The following MGAT4A variants were observed in gnomAD, a reference collection of about 807,000 sequenced individuals.
MGAT4A encodes alpha-1,3-mannosyl-glycoprotein 4-beta-N-acetylglucosaminyltransferase A, also known as N-acetylglucosaminyltransferase IVa.
MGAT4A carries 33 observed loss-of-function variants against 74.1 expected under a neutral mutation model. That is an observed-to-expected ratio of 0.45 (90% CI 0.34 to 0.60). The LOEUF is 0.60. Ranked by LOEUF, MGAT4A falls within the 20% of genes least tolerant of loss-of-function variation. The pLI, the probability that MGAT4A is intolerant of heterozygous loss-of-function variation, is 0.02. For missense variants in MGAT4A, 479 were observed against 628.3 expected, an observed-to-expected ratio of 0.76 and a Z score of 2.54; for synonymous variants, 198 against 210.4, an observed-to-expected ratio of 0.94 and a Z score of 0.51.
chr2:98,687,885 T>C (rs1338168810), intron 2 of MGAT4A, among the ~76,000 whole-genome samples: 1 of 152,080 alleles, frequency 6.6e-6, no homozygotes, highest in African/African-American at 2.4e-5. Flanking sequence ...TGTGGTCTTA[T>C]GAAAGGGGCC....
chr2:98,699,134 C>T (rs1260396984), intron 2 of MGAT4A, among the ~76,000 whole-genome samples: 3 of 152,150 alleles, frequency 2.0e-5, no homozygotes, highest in Non-Finnish European at 4.4e-5. Flanking sequence ...GGACACACTT[C>T]CTTCCCACAG....
At chr2:98,686,262 TTAAAA>T (rs1387451534) in intron 2 of MGAT4A, among the ~76,000 whole-genome samples, 4 of 152,164 alleles carry the variant, frequency 2.6e-5, no homozygotes, top group Admixed American at 6.5e-5. Context: ...TTTATTTAAA[TTAAAA>T]TAATGAAAAT....
At chr2:98,641,667 C>T (rs1701412256) in intron 10 of MGAT4A, among the ~76,000 whole-genome samples, 2 of 149,674 alleles carry the variant, frequency 1.3e-5, no homozygotes, top group African/African-American at 4.9e-5. Flanking sequence ...CGGAGCGAGA[C>T]TCCGTCTCAC....
At chr2:98,675,637 C>A (rs1575263307) in intron 3 of MGAT4A, among the ~76,000 whole-genome samples, 1 of 151,750 alleles carries the variant, frequency 6.6e-6, no homozygotes, top group African/African-American at 2.4e-5. Flanking sequence ...GCCTTGACCT[C>A]CCAGGCTCAA....
At chr2:98,643,523 C>T (rs1201632149) in intron 10 of MGAT4A, among the ~76,000 whole-genome samples, 1 of 152,098 alleles carries the variant, frequency 6.6e-6, no homozygotes, top group East Asian at 1.9e-4. Context: ...CTATTTTATT[C>T]CTCATTTACA....
At chr2:98,642,873 A>G (rs1284763853) in intron 10 of MGAT4A, among the ~76,000 whole-genome samples, 4 of 152,218 alleles carry the variant, frequency 2.6e-5, no homozygotes, top group African/African-American at 9.6e-5. Context: ...TTTTAAACAG[A>G]ATGCAATGAT....
intron 5 of MGAT4A, among the ~76,000 whole-genome samples, chr2:98,660,416 G>GCA (rs1295134416): frequency 1.6e-4 from 14 of 84,946 alleles, no homozygotes; most frequent in East Asian, 1.4e-3. Flanking sequence ...ACACACGCAC[G>GCA]CGCACACACA....
chr2:98,676,666 G>A (rs946582580), intron 3 of MGAT4A, among the ~76,000 whole-genome samples: 21 of 152,142 alleles, frequency 1.4e-4, no homozygotes, highest in African/African-American at 4.8e-4. Flanking sequence ...AGAAAAAAAT[G>A]TTTAATATAT....
chr2:98,657,859 T>C (rs751648125), intron 6 of MGAT4A, among the ~76,000 whole-genome samples: 28 of 152,336 alleles, frequency 1.8e-4, no homozygotes, highest in Middle Eastern at 6.8e-3. Context: ...ATTACTACGT[T>C]AAATATCTAC....
chr2:98,720,309 T>C (rs1206952271), intron 2 of MGAT4A, among the ~76,000 whole-genome samples: 1 of 152,228 alleles, frequency 6.6e-6, no homozygotes. Context: ...CTCACCAATG[T>C]GGGTGGGTAT....
chr2:98,639,563 T>C (rs1261110257), intron 12 of MGAT4A, among the ~76,000 whole-genome samples: 1 of 152,158 alleles, frequency 6.6e-6, no homozygotes, highest in Admixed American at 6.5e-5. Flanking sequence ...TAAAAAATTA[T>C]ACTAGATATA....
intron 5 of MGAT4A, 122 bp from the exon 6 acceptor site, chr2:98,658,386 G>C (rs114008231): frequency 0.029 from 17,102 of 591,888 alleles, 310 homozygotes; most frequent in Non-Finnish European, 0.039. Flanking sequence ...TAAATTTTTA[G>C]ACAATTTATT....
In MGAT4A at chr2:98,675,029, A is replaced by AC. The variant is rs751507803; in HGVS notation, c.403+5dup. The AC allele has an allele frequency of 6.2e-7, 1 of 1,608,160 alleles. No individual in the cohort carries two copies. The highest frequency in any genetic ancestry group is 8.5e-7 in the Non-Finnish European group (1 of 1,178,588). ...ACAACTGCAGTAAGAAACAAAATAA[A>AC]CATACCTCCTGTTCTTCCGTTGCCA... On this transcript the variant is annotated splice_donor_region_variant and intron_variant, in intron 4 of 15. Transcript: ENST00000393487.
chr2:98,673,093 C>T (rs2104283998), intron 4 of MGAT4A, among the ~76,000 whole-genome samples: 1 of 152,138 alleles, frequency 6.6e-6, no homozygotes, highest in Non-Finnish European at 1.5e-5. Flanking sequence ...TGGAAGGATA[C>T]AGATGTGGTG....
chr2:98,716,148 G>A (rs1181020845), intron 2 of MGAT4A, among the ~76,000 whole-genome samples: 1 of 151,982 alleles, frequency 6.6e-6, no homozygotes, highest in Admixed American at 6.5e-5. Context: ...GTGAGACCCT[G>A]TCTCTACAAA....
intron 4 of MGAT4A, among the ~76,000 whole-genome samples, chr2:98,674,677 T>C (rs1055682372): frequency 1.3e-5 from 2 of 152,196 alleles, no homozygotes; most frequent in African/African-American, 4.8e-5. Context: ...GGGGCAGACA[T>C]AAGAAAAACC....
At chr2:98,627,389 T>A (rs75260345) in intron 14 of MGAT4A, among the ~76,000 whole-genome samples, 6 of 152,170 alleles carry the variant, frequency 3.9e-5, no homozygotes, top group Non-Finnish European at 8.8e-5. Flanking sequence ...CTTTTTTTTT[T>A]CTTTGAGATA....
intron 12 of MGAT4A, among the ~76,000 whole-genome samples, chr2:98,637,914 T>G (rs555827956): frequency 2.1e-4 from 32 of 152,098 alleles, no homozygotes; most frequent in Non-Finnish European, 4.0e-4. Flanking sequence ...GGCCAGTAGA[T>G]ATGGCTGTAA....
chr2:98,676,418 A>G (rs1177200244), intron 3 of MGAT4A, among the ~76,000 whole-genome samples: 1 of 152,192 alleles, frequency 6.6e-6, no homozygotes, highest in Non-Finnish European at 1.5e-5. Flanking sequence ...CCCTTTTAAG[A>G]ATTTAGCTTC....
Sources: gnomAD v4.1 joint callset for allele counts (sites outside exome capture counted in the v4.1 genomes callset) on GRCh38, gnomAD v4.1.1 for gene constraint, MANE v1.5 for transcripts, NCBI Gene and HGNC (gene_info 2026-07-23, HGNC 2026-07-21) for gene names.